Variants in SYNRG observed in about 807,000 individuals in gnomAD.
The protein encoded by SYNRG is synergin gamma.
Under a neutral mutation model 130.9 loss-of-function variants are expected in SYNRG, and 37 were observed. That is an observed-to-expected ratio of 0.28 (90% CI 0.22 to 0.37). The LOEUF (loss-of-function observed/expected upper bound fraction) is 0.37. SYNRG is among the 10% of genes least tolerant of loss of function. SYNRG has a pLI of 1.00. For missense variants in SYNRG, 1,338 were observed against 1,588.9 expected (o/e 0.84, Z 2.68); for synonymous variants, 539 against 568.1 (o/e 0.95, Z 0.73).
At chr17:37,540,648 T>C in intron 15 of SYNRG, 105 bp from the exon 16 acceptor site, 1 of 1,309,644 alleles carries the variant, frequency 7.6e-7, no homozygotes, top group Non-Finnish European at 1.0e-6. Context: ...TTTTTTTTTT[T>C]TTTTGAGACA....
rs1054745402 is a variant in SYNRG, at chr17:37,538,276, T to C, written c.3517+48A>G. On this transcript the variant is annotated intron_variant, in intron 18 of 21. Transcript: ENST00000612223. ...AAATAATTAAAGGGAAAACTGAAAA[T>C]AATGCAAAGGGCCATCATTTTCAAT... 3 of 1,363,686 alleles carry C rather than the reference T, an allele frequency of 2.2e-6. No homozygotes were observed. In the African/African-American group the frequency reaches 4.4e-5, roughly 20 times the overall value. 84.5% of individuals were successfully genotyped at this position (1,363,686 alleles called of 1,614,324 possible). A position where few individuals can be genotyped will look rare whatever the true frequency, so the allele number is the denominator to read the frequency against.
intron 3 of SYNRG, among the ~76,000 whole-genome samples, chr17:37,593,188 G>C (rs1208164563): frequency 6.6e-6 from 1 of 152,098 alleles, no homozygotes; most frequent in Non-Finnish European, 1.5e-5. Context: ...CAAAGCGGGT[G>C]GATCACTTGA....
chr17:37,530,503 G>A (rs758742379), intron 19 of SYNRG, among the ~76,000 whole-genome samples: 8 of 152,168 alleles, frequency 5.3e-5, no homozygotes, highest in Non-Finnish European at 1.0e-4. Context: ...CTGGAGCTCA[G>A]GAAGTAAATG....
rs145177524 is a variant in SYNRG at position 37,598,500 on chromosome 17, G to A, written c.118+1863C>T. 2.6e-5 allele frequency among the ~76,000 whole-genome samples: 4 copies of A among 152,278 alleles called. No homozygotes were observed. The East Asian group carries it at 7.7e-4, about 29-fold the overall frequency. Reference sequence around the variant, plus strand: ...TTTTAACTGATTTTATTTTATTTCTGAATGGGTAACTCAGATATCTGGCAT... The same window carrying A: ...TTTTAACTGATTTTATTTTATTTCTAAATGGGTAACTCAGATATCTGGCAT... On this transcript the variant is annotated intron_variant, in intron 2 of 21. Transcript: ENST00000612223.
chr17:37,551,564 G>A (rs1345753505), intron 14 of SYNRG, among the ~76,000 whole-genome samples: 7 of 149,234 alleles, frequency 4.7e-5, no homozygotes, highest in Non-Finnish European at 3.0e-5. Context: ...TAAAATGGGG[G>A]AAAAAAAAAG....
rs2060354723 is a variant in SYNRG, at chr17:37,570,644, G to A, written c.1340C>T (p.Ala447Val). The A allele has an allele frequency of 6.2e-7, 1 of 1,610,354 alleles. No individual in the cohort carries two copies. The highest frequency in any genetic ancestry group is 8.5e-7 in the Non-Finnish European group (1 of 1,178,634). ...CACAGCTTCGCCATTTACCTGATTTGCAGGGTAGGTTGGTATGAAACCACT... is the reference window on the plus strand; with the variant it reads ...CACAGCTTCGCCATTTACCTGATTTACAGGGTAGGTTGGTATGAAACCACT... The part of the protein sequence containing the change: ...ASSGFIPTYP[A>V]NQVVKPEEDD... Residue 447 changes from alanine to valine, a missense_variant, in exon 10 of 22, where the codon GCA (alanine) becomes GTA (valine). By Grantham distance (64) the Ala-to-Val change is moderately conservative. This residue lies in a region of SYNRG where 1,146 missense variants were observed against 1,342.3 expected (regional missense o/e 0.85). Transcript: ENST00000612223.
intron 16 of SYNRG, 125 bp from the exon 17 acceptor site, chr17:37,539,370 T>C: frequency 9.6e-7 from 1 of 1,042,674 alleles, no homozygotes; most frequent in Non-Finnish European, 1.4e-6. Flanking sequence ...TTCAAGCAGT[T>C]TATGTTTTTT....
At chr17:37,520,245 AC>A in intron 20 of SYNRG, 31 bp from the exon 21 acceptor site, 1 of 1,614,108 alleles carries the variant, frequency 6.2e-7, no homozygotes, top group South Asian at 1.1e-5. Context: ...CAGGTCAACA[AC>A]ATTCCCAGAA....
intron 11 of SYNRG, among the ~76,000 whole-genome samples, chr17:37,565,572 C>T (rs1368959986): frequency 2.0e-5 from 3 of 151,566 alleles, no homozygotes; most frequent in Non-Finnish European, 2.9e-5. Context: ...CGTCTCCGCC[C>T]GGCCGCCATC....
chr17:37,574,417 A>G (rs770386121), intron 8 of SYNRG, among the ~76,000 whole-genome samples: 1 of 152,204 alleles, frequency 6.6e-6, no homozygotes, highest in Non-Finnish European at 1.5e-5. Context: ...GATCACATCA[A>G]GTTAAAAAGC....
chr17:37,525,774 T>C (rs2055794638), intron 19 of SYNRG, among the ~76,000 whole-genome samples: 1 of 152,212 alleles, frequency 6.6e-6, no homozygotes, highest in Admixed American at 6.5e-5. Context: ...GAGACCAGCC[T>C]GGCCAACATG....
intron 19 of SYNRG, among the ~76,000 whole-genome samples, chr17:37,523,545 A>G (rs1372257727): frequency 6.6e-6 from 1 of 152,236 alleles, no homozygotes; most frequent in East Asian, 1.9e-4. Flanking sequence ...GCAAGCCAGT[A>G]AGAACTGGAT....
rs1325054443 is a variant in SYNRG, at chr17:37,570,796, A to G, written c.1188T>C (p.Pro396=). The change falls in exon 10 of 22, where the codon CCT becomes CCC. Residue 396 remains proline (P), a synonymous_variant. Coordinates refer to ENST00000612223, the MANE Select transcript of SYNRG (RefSeq NM_007247.6). ...PTLSGFSMTL[P]TPVSQPTVIP... ...TCACAGTTGGCTGACTCACCGGTGT[A>G]GGCAGAGTCATAGAAAAGCCACTTA... 1 of 1,614,244 alleles carries G rather than the reference A, an allele frequency of 6.2e-7. No homozygotes were observed. The highest frequency in any genetic ancestry group is 2.2e-5 in the East Asian group (1 of 44,892).
intron 6 of SYNRG, among the ~76,000 whole-genome samples, chr17:37,580,739 T>C (rs535465136): frequency 6.6e-6 from 1 of 152,266 alleles, no homozygotes; most frequent in African/African-American, 2.4e-5. Flanking sequence ...TTCACCATTT[T>C]GGCCAGGCTG....
chr17:37,601,703 C>T (rs1273372972), intron 1 of SYNRG, among the ~76,000 whole-genome samples: 1 of 151,974 alleles, frequency 6.6e-6, no homozygotes, highest in Non-Finnish European at 1.5e-5. Context: ...TTGCTCTTGT[C>T]GTCCAGGTTG....
intron 11 of SYNRG, among the ~76,000 whole-genome samples, chr17:37,565,469 G>T (rs1202792839): frequency 6.6e-6 from 1 of 150,990 alleles, no homozygotes; most frequent in Admixed American, 6.6e-5. Context: ...CCGCCACCCC[G>T]TCTGGGAAGT....
At chr17:37,556,856 A>C (rs1202187655) in intron 13 of SYNRG, among the ~76,000 whole-genome samples, 2 of 152,266 alleles carry the variant, frequency 1.3e-5, no homozygotes, top group African/African-American at 4.8e-5. Flanking sequence ...ATCACAGCCT[A>C]AATTTTTAAT....
chr17:37,571,131 T>C (rs1205059729), intron 9 of SYNRG, among the ~76,000 whole-genome samples: 1 of 152,230 alleles, frequency 6.6e-6, no homozygotes, highest in East Asian at 1.9e-4. Context: ...TAATTCTATA[T>C]GATCAAATCA....
intron 19 of SYNRG, among the ~76,000 whole-genome samples, chr17:37,522,706 T>C (rs1028637278): frequency 1.1e-4 from 16 of 148,868 alleles, no homozygotes; most frequent in African/African-American, 3.7e-4. Flanking sequence ...AGTGGCGCAA[T>C]CTCGGCTCAC....
Sources: gnomAD v4.1 joint callset for allele counts (sites outside exome capture counted in the v4.1 genomes callset) on GRCh38, gnomAD v4.1.1 for gene constraint, gnomAD v4.1.1 regional missense constraint, MANE v1.5 for transcripts, NCBI Gene and HGNC (gene_info 2026-07-23, HGNC 2026-07-21) for gene names.